BRCC3: variants seen among roughly 807,000 people sequenced by gnomAD.
BRCC3 encodes the protein lys-63-specific deubiquitinase BRCC36.
Under a neutral mutation model 28.0 loss-of-function variants are expected in BRCC3, and 15 were observed. The ratio of observed to expected loss-of-function variants is 0.54; its 90% confidence interval spans 0.36 to 0.82. The LOEUF (loss-of-function observed/expected upper bound fraction) is 0.82. Among genes scored for constraint, BRCC3 ranks in the 40% least tolerant of loss-of-function variants. The pLI is 0.01. For missense variants in BRCC3, 109 were observed against 225.9 expected (o/e 0.48, Z 3.32); for synonymous variants, 66 against 80.3 (o/e 0.82, Z 0.95).
At chrX:155,089,449 G>T (rs12839639) in intron 6 of BRCC3, 98 bp downstream of exon 6, 3 of 511,152 alleles carry the variant, frequency 5.9e-6, no homozygotes, top group Admixed American at 3.8e-5. Flanking sequence ...GATTTTAATA[G>T]GATGGTCAGG....
chrX:155,086,020 T>G (rs2074124096), intron 5 of BRCC3, among the ~76,000 whole-genome samples: 1 of 111,601 alleles, frequency 9.0e-6, no homozygotes, highest in Non-Finnish European at 1.9e-5. Flanking sequence ...GCGGCCAGCC[T>G]GGGTCTGGGA....
intron 5 of BRCC3, among the ~76,000 whole-genome samples, chrX:155,084,877 G>A (rs1430634424): frequency 9.0e-6 from 1 of 111,453 alleles, no homozygotes; most frequent in Non-Finnish European, 1.9e-5. Flanking sequence ...GGCTAAGGTG[G>A]GAGGAACCCT....
At chrX:155,095,284 A>G (rs782602703) in intron 7 of BRCC3, among the ~76,000 whole-genome samples, 2 of 111,621 alleles carry the variant, frequency 1.8e-5, no homozygotes, top group Non-Finnish European at 3.8e-5. Flanking sequence ...AGAAAGAAAA[A>G]ATTTAGTTTT....
chrX:155,075,570 AG>A (rs1557293506), intron 3 of BRCC3, among the ~76,000 whole-genome samples: 2 of 111,172 alleles, frequency 1.8e-5, no homozygotes, highest in Non-Finnish European at 3.8e-5. Flanking sequence ...CGTTCTACCT[AG>A]TTTCAACCTT....
chrX:155,114,027 G>A (rs1557298430), intron 7 of BRCC3, among the ~76,000 whole-genome samples: 2 of 111,414 alleles, frequency 1.8e-5, no homozygotes, highest in African/African-American at 6.5e-5. Flanking sequence ...TGTTGAGATT[G>A]TAGAGTGGTG....
Position 155,120,000 on chromosome X carries a change from G to A in BRCC3, c.726G>A (p.Val242=). 6.7e-6 allele frequency: 8 copies of A among 1,201,665 alleles called. No individual in the cohort carries two copies. Among genetic ancestry groups the A allele is most frequent in the Non-Finnish European group, 9.0e-6 (8 of 891,859 alleles). The change falls in exon 10 of 11, where the codon GTG becomes GTA. Residue 242 remains valine, a splice_region_variant and synonymous_variant. Coordinates refer to ENST00000330045, the MANE Select transcript of BRCC3 (RefSeq NM_001018055.3). ...DSVTKIHNGS[V]FTKNLCSQMS... Reference sequence around the variant, plus strand: ...TCATCTTTATTTTTCCTATTGAAGTGTTTACCAAGAATCTGTGCAGTCAGA... The same window carrying A: ...TCATCTTTATTTTTCCTATTGAAGTATTTACCAAGAATCTGTGCAGTCAGA...
intron 7 of BRCC3, among the ~76,000 whole-genome samples, chrX:155,107,382 T>C (rs1484469706): frequency 1.8e-5 from 2 of 110,455 alleles, no homozygotes; most frequent in Non-Finnish European, 3.8e-5. Context: ...TTCAATTTGG[T>C]ATCATGGTGT....
chrX:155,072,280 AC>A, intron 1 of BRCC3, 46 bp from the exon 2 acceptor site: 1 of 1,055,764 alleles, frequency 9.5e-7, no homozygotes, highest in Non-Finnish European at 1.3e-6. Context: ...TATATGTCAA[AC>A]AAACGTAATG....
chrX:155,109,543 T>C (rs2074307020), intron 7 of BRCC3, among the ~76,000 whole-genome samples: 2 of 112,210 alleles, frequency 1.8e-5, no homozygotes, highest in Non-Finnish European at 3.8e-5. Flanking sequence ...TTATTGTAAT[T>C]GGTATCTTTT....
Position 155,094,053 on chromosome X carries a change from A to AT in BRCC3, c.548+3223dup, listed in dbSNP as rs782264117. On this transcript the variant is annotated intron_variant, in intron 7 of 10. Coordinates refer to ENST00000330045, the MANE Select transcript of BRCC3 (RefSeq NM_001018055.3). ...TTACAGTTACCTGTTTCCTCTGATA[A>AT]TTTTTTTTTGTTTAATTTTTAAAAT... Among the ~76,000 whole-genome samples the AT allele has an allele frequency of 3.8e-4, 42 of 110,151 alleles. 1 individual carries two copies. Among genetic ancestry groups the AT allele is most frequent in the East Asian group, 1.7e-3 (6 of 3,521 alleles).
intron 7 of BRCC3, among the ~76,000 whole-genome samples, chrX:155,105,697 T>TTTTTG (rs1369375679): frequency 8.9e-6 from 1 of 112,084 alleles, no homozygotes; most frequent in Non-Finnish European, 1.9e-5. Context: ...CTGACTATTC[T>TTTTTG]TTTTGTTTTG....
At chrX:155,112,680 C>A (rs1557298266) in intron 7 of BRCC3, among the ~76,000 whole-genome samples, 3 of 112,032 alleles carry the variant, frequency 2.7e-5, no homozygotes, top group Non-Finnish European at 5.7e-5. Context: ...TAAGCAAGAA[C>A]AAGAAATAAA....
At chrX:155,089,408 C>A in intron 6 of BRCC3, 57 bp downstream of exon 6, 1 of 731,340 alleles carries the variant, frequency 1.4e-6, no homozygotes, top group Non-Finnish European at 2.0e-6. Flanking sequence ...GTGTGTGTGT[C>A]TACACACAGA....
chrX:155,099,159 T>A (rs1289009799), intron 7 of BRCC3, among the ~76,000 whole-genome samples: 2 of 109,194 alleles, frequency 1.8e-5, no homozygotes, highest in African/African-American at 3.4e-5. Context: ...GAAAAAAAAA[T>A]TTAAATAAGA....
intron 7 of BRCC3, among the ~76,000 whole-genome samples, chrX:155,111,635 G>A (rs1475995233): frequency 8.9e-6 from 1 of 111,796 alleles, no homozygotes; most frequent in Non-Finnish European, 1.9e-5. Context: ...CTAAATAGAA[G>A]AGCTAAAACA....
At chrX:155,116,276 T>C in intron 8 of BRCC3, 88 bp downstream of exon 8, 1 of 900,482 alleles carries the variant, frequency 1.1e-6, no homozygotes, top group Non-Finnish European at 1.5e-6. Context: ...GCAGCTCAAC[T>C]CTTGAGGCCC....
At chrX:155,095,824 T>C (rs889370516) in intron 7 of BRCC3, among the ~76,000 whole-genome samples, 12 of 111,886 alleles carry the variant, frequency 1.1e-4, no homozygotes, top group South Asian at 7.5e-4. Context: ...CTTTTCTGTG[T>C]TTAGATACAC....
chrX:155,112,442 G>T (rs939269730), intron 7 of BRCC3, among the ~76,000 whole-genome samples: 6 of 112,466 alleles, frequency 5.3e-5, no homozygotes, highest in African/African-American at 1.6e-4. Flanking sequence ...TAAAGCTTAT[G>T]AATTGTTTAT....
rs1193259763 is a variant in BRCC3, at chrX:155,121,412, A to G, written c.*208A>G. ...TGAGAGAACCCAGAAATAAACCCAT[A>G]TAAATATGCTCAGCTGATTTTGAAA... On this transcript the variant is annotated 3_prime_UTR_variant, in exon 11 of 11. Transcript: ENST00000330045. 6 of 112,106 alleles carry G rather than the reference A, an allele frequency of 5.4e-5. No individual in the cohort carries two copies. Among genetic ancestry groups the G allele is most frequent in the African/African-American group, 1.9e-4 (6 of 30,817 alleles). 9.2% of individuals were successfully genotyped at this position (112,106 alleles called of 1,213,427 possible). A position where few individuals can be genotyped will look rare whatever the true frequency, so the allele number is the denominator to read the frequency against.
Sources: gnomAD v4.1 joint callset for allele counts (sites outside exome capture counted in the v4.1 genomes callset) on GRCh38, gnomAD v4.1.1 for gene constraint, MANE v1.5 for transcripts, NCBI Gene and HGNC (gene_info 2026-07-23, HGNC 2026-07-21) for gene names.